Variants in CDKAL1 observed in about 807,000 individuals in gnomAD.
CDKAL1 encodes threonylcarbamoyladenosine tRNA methylthiotransferase.
In CDKAL1, 32 loss-of-function variants were observed where a neutral mutation model predicts 68.2. That is an observed-to-expected ratio of 0.47 (90% CI 0.35 to 0.63). The LOEUF (loss-of-function observed/expected upper bound fraction) is 0.63, where lower values mean the gene tolerates loss of function less well. Among genes scored for constraint, CDKAL1 ranks in the 30% least tolerant of loss-of-function variants. The probability of loss-of-function intolerance (pLI) is 0.00; values close to 1 mark genes in which losing one functional copy is unlikely to be tolerated. For missense variants in CDKAL1, 606 were observed against 696.7 expected (o/e 0.87, Z 1.47); for synonymous variants, 234 against 244.3 (o/e 0.96, Z 0.39).
chr6:21,057,761 C>T (rs1770915137), intron 11 of CDKAL1, among the ~76,000 whole-genome samples: 1 of 152,130 alleles, frequency 6.6e-6, no homozygotes, highest in South Asian at 2.1e-4. Context: ...ACCTTAATTT[C>T]ATTATTTGCC....
chr6:21,156,945 G>GT (rs1426622419), intron 13 of CDKAL1, among the ~76,000 whole-genome samples: 1 of 152,174 alleles, frequency 6.6e-6, no homozygotes, highest in Non-Finnish European at 1.5e-5. Flanking sequence ...GCCTAGGCTG[G>GT]TTTTTCAGCA....
intron 7 of CDKAL1, among the ~76,000 whole-genome samples, chr6:20,771,291 C>CTTA (rs1489071309): frequency 5.3e-5 from 8 of 152,150 alleles, no homozygotes; most frequent in Non-Finnish European, 8.8e-5. Flanking sequence ...AGTGATAACA[C>CTTA]TTATCTCAAC....
intron 11 of CDKAL1, among the ~76,000 whole-genome samples, chr6:21,004,751 G>A (rs1324233057): frequency 1.3e-5 from 2 of 152,012 alleles, no homozygotes; most frequent in African/African-American, 4.8e-5. Context: ...GATCACTTGA[G>A]CCCAGGAGTT....
chr6:20,887,716 TAG>T (rs1761149381), intron 9 of CDKAL1, among the ~76,000 whole-genome samples: 1 of 95,686 alleles, frequency 1.0e-5, no homozygotes, highest in Non-Finnish European at 2.5e-5. Context: ...ATCTTTAGAG[TAG>T]TTTGGGCTAC....
chr6:20,816,143 T>A (rs2150432341), intron 8 of CDKAL1, among the ~76,000 whole-genome samples: 1 of 140,804 alleles, frequency 7.1e-6, no homozygotes, highest in African/African-American at 2.6e-5. Flanking sequence ...CTTTTTTTTT[T>A]AAGGACAACA....
At chr6:21,122,197 G>C (rs1774754940) in intron 13 of CDKAL1, among the ~76,000 whole-genome samples, 1 of 152,310 alleles carries the variant, frequency 6.6e-6, no homozygotes, top group East Asian at 1.9e-4. Flanking sequence ...CAAGATTTAT[G>C]TAAGTCCTAC....
In CDKAL1 at chr6:20,534,565, C is replaced by A. The variant is rs961284618; in HGVS notation, c.-59C>A. On this transcript the variant is annotated 5_prime_UTR_variant, in exon 1 of 16. Coordinates refer to ENST00000274695, the MANE Select transcript of CDKAL1 (RefSeq NM_017774.3). Reference sequence around the variant, plus strand: ...TCACTTTGGACTGGTTTTTACTTCCCGACTTCTGGGTAAGGGTGGCCGATG... The same window carrying A: ...TCACTTTGGACTGGTTTTTACTTCCAGACTTCTGGGTAAGGGTGGCCGATG... The A allele has an allele frequency of 6.5e-6, 1 of 152,864 alleles. No individual in the cohort carries two copies. The highest frequency in any genetic ancestry group is 1.5e-5 in the Non-Finnish European group (1 of 68,064). The allele number at this position is 152,864 out of a possible 1,614,324, so 9.5% of individuals were successfully genotyped here.
intron 5 of CDKAL1, among the ~76,000 whole-genome samples, chr6:20,709,488 A>G (rs1040849936): frequency 1.3e-5 from 2 of 152,258 alleles, no homozygotes; most frequent in Admixed American, 6.5e-5. Context: ...TCCACTTCCA[A>G]GCATTTCAGA....
At chr6:20,570,819 C>T (rs774053037) in intron 4 of CDKAL1, among the ~76,000 whole-genome samples, 1 of 152,024 alleles carries the variant, frequency 6.6e-6, no homozygotes, top group Admixed American at 6.5e-5. Flanking sequence ...CCAAAAGTGC[C>T]GTATTGATCA....
At chr6:20,666,752 A>C (rs1769567586) in intron 5 of CDKAL1, among the ~76,000 whole-genome samples, 1 of 150,394 alleles carries the variant, frequency 6.6e-6, no homozygotes, top group South Asian at 2.1e-4. Flanking sequence ...GAACTGTTTC[A>C]AAATACATGA....
chr6:20,880,309 G>A (rs1760745182), intron 9 of CDKAL1, among the ~76,000 whole-genome samples: 1 of 152,060 alleles, frequency 6.6e-6, no homozygotes, highest in Non-Finnish European at 1.5e-5. Context: ...AGGCTGGAGT[G>A]CAGTGGCACA....
intron 12 of CDKAL1, among the ~76,000 whole-genome samples, chr6:21,085,069 C>T (rs556645671): frequency 1.5e-4 from 23 of 152,250 alleles, no homozygotes; most frequent in Admixed American, 1.2e-3. Flanking sequence ...CTACTGTGAA[C>T]GAGTTTAATT....
intron 14 of CDKAL1, 29 bp downstream of exon 14, chr6:21,198,133 T>C: frequency 7.0e-7 from 1 of 1,431,290 alleles, no homozygotes. Flanking sequence ...TTCTTGAGTT[T>C]TCTCCAAAGT....
intron 5 of CDKAL1, among the ~76,000 whole-genome samples, chr6:20,696,396 G>A (rs1315416155): frequency 1.3e-5 from 2 of 152,178 alleles, no homozygotes; most frequent in Admixed American, 1.3e-4. Context: ...AGGTAGCTAA[G>A]AGCACCTGAA....
At chr6:20,575,884 C>G (rs1035693836) in intron 4 of CDKAL1, among the ~76,000 whole-genome samples, 2 of 152,128 alleles carry the variant, frequency 1.3e-5, no homozygotes, top group Non-Finnish European at 2.9e-5. Flanking sequence ...CACACTCTAT[C>G]AAAACATCAC....
At chr6:20,846,993 G>A (rs1269084898) in intron 9 of CDKAL1, among the ~76,000 whole-genome samples, 1 of 152,124 alleles carries the variant, frequency 6.6e-6, no homozygotes, top group African/African-American at 2.4e-5. Context: ...AACTTGGAGT[G>A]CTAGTTTCAG....
chr6:20,941,376 G>A (rs1410230864), intron 9 of CDKAL1, among the ~76,000 whole-genome samples: 2 of 152,136 alleles, frequency 1.3e-5, no homozygotes, highest in African/African-American at 4.8e-5. Flanking sequence ...AAACAATTAT[G>A]TTGGAGTTCC....
chr6:21,000,769 A>G (rs1767387079), intron 11 of CDKAL1, among the ~76,000 whole-genome samples: 2 of 152,348 alleles, frequency 1.3e-5, no homozygotes, highest in South Asian at 4.1e-4. Context: ...TACAAAATAG[A>G]TAATTTTCTA....
intron 7 of CDKAL1, among the ~76,000 whole-genome samples, chr6:20,766,382 T>G (rs980950238): frequency 6.6e-6 from 1 of 152,170 alleles, no homozygotes; most frequent in African/African-American, 2.4e-5. Flanking sequence ...TACACTGTTA[T>G]AGTGGTTTAC....
Sources: allele counts gnomAD v4.1 joint callset (sites outside exome capture counted in the v4.1 genomes callset), GRCh38; gene constraint gnomAD v4.1.1; transcripts MANE v1.5; gene names NCBI Gene and HGNC (gene_info 2026-07-23, HGNC 2026-07-21).